Variants in ADAMTSL1 observed in about 807,000 individuals in gnomAD.
ADAMTSL1 encodes ADAMTS like 1.
In ADAMTSL1, 126 loss-of-function variants were observed where a neutral mutation model predicts 201.8. The observed-to-expected ratio is 0.62, with a 90% confidence interval of 0.54 to 0.72. The LOEUF (loss-of-function observed/expected upper bound fraction) is 0.72. ADAMTSL1 is among the 30% of genes least tolerant of loss of function. The pLI is 0.00. For synonymous variants in ADAMTSL1, 1,121 were observed against 903.4 expected (o/e 1.24, Z -4.32); for missense variants, 2,679 against 2,277.8 (o/e 1.18, Z -3.59).
At position 18,574,126 on chromosome 9, in the gene ADAMTSL1, T is replaced by C; in HGVS notation, c.334T>C (p.Ser112Pro). ...HGQFYEWLPV[S>P]NDPDNPCSLK... is the part of the protein sequence containing the mutation. ...CCAGTTTTATGAATGGCTTCCTGTGTCTAATGACCCTGACAACCCATGTTC... is the reference window on the plus strand; with the variant it reads ...CCAGTTTTATGAATGGCTTCCTGTGCCTAATGACCCTGACAACCCATGTTC... The change falls in exon 4 of 29, where the codon TCT becomes CCT. Residue 112 changes from serine (S) to proline (P), a missense_variant. Ser to Pro is a moderately conservative substitution (Grantham distance 74). Coordinates refer to ENST00000380548, the MANE Select transcript of ADAMTSL1 (RefSeq NM_001040272.6). 6.2e-7 allele frequency: 1 copy of C among 1,614,130 alleles called. No individual in the cohort carries two copies. The highest frequency in any genetic ancestry group is 1.1e-5 in the South Asian group (1 of 91,074).
At chr9:18,517,151 T>C (rs1818405193) in intron 2 of ADAMTSL1, among the ~76,000 whole-genome samples, 1 of 152,158 alleles carries the variant, frequency 6.6e-6, no homozygotes, top group Non-Finnish European at 1.5e-5. Flanking sequence ...ACTGAGCAAA[T>C]GTAAGATCAT....
chr9:18,104,580 A>G (rs537326791), intron 1 of ADAMTSL1, among the ~76,000 whole-genome samples: 62 of 151,872 alleles, frequency 4.1e-4, no homozygotes, highest in Non-Finnish European at 6.9e-4. Context: ...GACACTGCAG[A>G]CTCCAAAAGG....
At chr9:18,259,800 C>T (rs1395216814) in intron 2 of ADAMTSL1, among the ~76,000 whole-genome samples, 4 of 152,016 alleles carry the variant, frequency 2.6e-5, no homozygotes, top group Admixed American at 1.3e-4. Context: ...GAAATGGTGC[C>T]ATTGTGTTAT....
chr9:17,937,384 C>T (rs1827053028), intron 1 of ADAMTSL1, among the ~76,000 whole-genome samples: 1 of 151,966 alleles, frequency 6.6e-6, no homozygotes, highest in African/African-American at 2.4e-5. Flanking sequence ...TTTCTGCCTT[C>T]ACTGCACACG....
In ADAMTSL1 at chr9:18,094,512, T is replaced by C. The variant is rs530727039; in HGVS notation, c.88-69350T>C. The stretch of plus-strand genomic sequence containing the variant: ...TACAGAACATTTTGTGTATGGCATC[T>C]GTGAGCCACTGTGCCTGGCCCTCTG... On this transcript the variant is annotated intron_variant, in intron 1 of 29. Transcript: ENST00000680146. Among the ~76,000 whole-genome samples the C allele has an allele frequency of 4.6e-5, 7 of 152,312 alleles. No homozygotes were observed. In the East Asian group the frequency reaches 1.4e-3, roughly 29 times the overall value.
At chr9:18,478,286 A>T (rs1157228677) in intron 1 of ADAMTSL1, among the ~76,000 whole-genome samples, 1 of 151,988 alleles carries the variant, frequency 6.6e-6, no homozygotes, top group East Asian at 1.9e-4. Flanking sequence ...TTGCTTGGGG[A>T]TTATATTAGC....
intron 5 of ADAMTSL1, among the ~76,000 whole-genome samples, chr9:18,632,868 G>C (rs1485306248): frequency 6.6e-6 from 1 of 152,024 alleles, no homozygotes; most frequent in Non-Finnish European, 1.5e-5. Context: ...TGAGTGCAAG[G>C]GGCATCAGGA....
intron 2 of ADAMTSL1, among the ~76,000 whole-genome samples, chr9:18,272,087 G>A (rs1467771584): frequency 2.0e-5 from 3 of 151,856 alleles, no homozygotes; most frequent in Non-Finnish European, 2.9e-5. Flanking sequence ...CCCTTTGTCA[G>A]ATGAGTAGAT....
At chr9:17,945,511 G>C (rs1284058101) in intron 1 of ADAMTSL1, among the ~76,000 whole-genome samples, 2 of 151,734 alleles carry the variant, frequency 1.3e-5, no homozygotes, top group Non-Finnish European at 2.9e-5. Context: ...AAAGACACAT[G>C]CACACGTATG....
At chr9:17,925,926 C>T (rs192167085) in intron 1 of ADAMTSL1, among the ~76,000 whole-genome samples, 116 of 151,882 alleles carry the variant, frequency 7.6e-4, no homozygotes, top group Non-Finnish European at 1.4e-3. Flanking sequence ...ATACGTGCTG[C>T]TCAATACCTT....
At chr9:18,712,529 C>T (rs1309363622) in intron 14 of ADAMTSL1, among the ~76,000 whole-genome samples, 5 of 151,806 alleles carry the variant, frequency 3.3e-5, no homozygotes, top group Non-Finnish European at 2.9e-5. Context: ...TGAAATGAAG[C>T]GAGAAGGGAA....
At chr9:18,482,570 C>T (rs1821782474) in intron 1 of ADAMTSL1, among the ~76,000 whole-genome samples, 1 of 152,170 alleles carries the variant, frequency 6.6e-6, no homozygotes, top group Non-Finnish European at 1.5e-5. Flanking sequence ...ATTCCAAGAG[C>T]ACTACAGAAA....
intron 1 of ADAMTSL1, among the ~76,000 whole-genome samples, chr9:18,146,402 A>G (rs1826644791): frequency 6.6e-6 from 1 of 152,218 alleles, no homozygotes; most frequent in Admixed American, 6.5e-5. Context: ...GGTATGAGCT[A>G]TCAAGCCATG....
chr9:18,630,645 A>G (rs1826702143), intron 5 of ADAMTSL1, among the ~76,000 whole-genome samples: 9 of 152,166 alleles, frequency 5.9e-5, no homozygotes, highest in Admixed American at 5.9e-4. Flanking sequence ...GTGTTTCCTG[A>G]GTATACAGAA....
At chr9:17,912,936 G>A (rs1246722562) in intron 1 of ADAMTSL1, among the ~76,000 whole-genome samples, 7 of 152,132 alleles carry the variant, frequency 4.6e-5, no homozygotes, top group Non-Finnish European at 7.4e-5. Flanking sequence ...CATTTATTAA[G>A]TAGGGAATCC....
chr9:18,151,085 G>C (rs1826888369), intron 1 of ADAMTSL1, among the ~76,000 whole-genome samples: 1 of 151,944 alleles, frequency 6.6e-6, no homozygotes, highest in African/African-American at 2.4e-5. Flanking sequence ...TGTTATGGTG[G>C]CTTCTGTGTT....
chr9:18,228,469 T>C (rs956803876), intron 2 of ADAMTSL1, among the ~76,000 whole-genome samples: 3 of 152,134 alleles, frequency 2.0e-5, no homozygotes, highest in African/African-American at 7.2e-5. Flanking sequence ...TGCCTAGGTT[T>C]AAGTGCAATG....
chr9:18,639,789 T>G (rs702209), intron 7 of ADAMTSL1, among the ~76,000 whole-genome samples: 1 of 151,870 alleles, frequency 6.6e-6, no homozygotes, highest in African/African-American at 2.4e-5. Flanking sequence ...TTATCCATCA[T>G]CTTGGTCAAC....
chr9:18,848,222 T>C (rs1242251507), intron 23 of ADAMTSL1, among the ~76,000 whole-genome samples: 1 of 152,002 alleles, frequency 6.6e-6, no homozygotes, highest in African/African-American at 2.4e-5. Flanking sequence ...TAGAAAAAAA[T>C]ATTCCAACAG....
Sources: gnomAD v4.1 joint callset for allele counts (sites outside exome capture counted in the v4.1 genomes callset) on GRCh38, gnomAD v4.1.1 for gene constraint, MANE v1.5 for transcripts, NCBI Gene and HGNC (gene_info 2026-07-23, HGNC 2026-07-21) for gene names.